The following THAP4 variants were observed in gnomAD, a reference collection of about 807,000 sequenced individuals.
THAP4 encodes peroxynitrite isomerase THAP4.
In THAP4, 18 loss-of-function variants were observed where a neutral mutation model predicts 48.1. The observed-to-expected ratio is 0.37, with a 90% CI of 0.26 to 0.56. The LOEUF is 0.56. Among genes scored for constraint, THAP4 ranks in the 20% least tolerant of loss-of-function variants. THAP4 has a pLI of 0.78. For missense variants in THAP4, 656 were observed against 774.9 expected, an observed-to-expected ratio of 0.85 and a Z score of 1.82; for synonymous variants, 345 against 324.9, an observed-to-expected ratio of 1.06 and a Z score of -0.66.
intron 5 of THAP4, among the ~76,000 whole-genome samples, chr2:241,593,220 G>C (rs1244350319): frequency 6.6e-6 from 1 of 152,092 alleles, no homozygotes; most frequent in Non-Finnish European, 1.5e-5. Flanking sequence ...ACTCCAGCCT[G>C]GGCGACAGTG....
intron 3 of THAP4, among the ~76,000 whole-genome samples, 200 bp from the exon 4 acceptor site, chr2:241,603,279 G>A (rs568694912): frequency 3.2e-4 from 48 of 150,442 alleles, no homozygotes; most frequent in African/African-American, 1.1e-3. Flanking sequence ...AAGACGGGCT[G>A]TTCCAGCCAC....
chr2:241,599,949 C>T (rs1189642532), intron 5 of THAP4, among the ~76,000 whole-genome samples: 2 of 152,190 alleles, frequency 1.3e-5, no homozygotes, highest in Admixed American at 6.5e-5. Context: ...GTGGCTCATG[C>T]CTGTAATCCC....
At chr2:241,625,816 A>G (rs866875617) in intron 2 of THAP4, among the ~76,000 whole-genome samples, 8 of 149,116 alleles carry the variant, frequency 5.4e-5, no homozygotes, top group African/African-American at 1.5e-4. Context: ...AAAAAAAAAA[A>G]AAAAAAAAGA....
upstream of THAP4, chr2:241,637,297 G>C: frequency 8.7e-7 from 1 of 1,154,564 alleles, no homozygotes; most frequent in South Asian, 1.7e-5. Flanking sequence ...GGGCAGACGG[G>C]CGGGGGAGTC....
chr2:241,621,606 G>A (rs530117304), intron 2 of THAP4, among the ~76,000 whole-genome samples: 1 of 151,538 alleles, frequency 6.6e-6, no homozygotes, highest in Admixed American at 6.6e-5. Context: ...GAAATGCAAA[G>A]AGAAAAAAAC....
chr2:241,605,638 T>C (rs999399684), intron 3 of THAP4, among the ~76,000 whole-genome samples: 24 of 152,210 alleles, frequency 1.6e-4, no homozygotes, highest in African/African-American at 5.5e-4. Flanking sequence ...AACAGCTTCC[T>C]TGTGACCCCA....
intron 3 of THAP4, among the ~76,000 whole-genome samples, chr2:241,604,099 T>C (rs1386896182): frequency 6.6e-6 from 1 of 152,122 alleles, no homozygotes; most frequent in East Asian, 1.9e-4. Context: ...ATAAACTTTA[T>C]TTATTTATTT....
chr2:241,589,105 T>A lies in THAP4; in HGVS notation c.1615-4380A>T, dbSNP rs1011895199. ...GTGGGAGCCTGTAATCCGAGCTACTTGGGAGGCTGAGAGAGGATAATCGCT... is the reference window on the plus strand; with the variant it reads ...GTGGGAGCCTGTAATCCGAGCTACTAGGGAGGCTGAGAGAGGATAATCGCT... On this transcript the variant is annotated intron_variant, in intron 5 of 5. Coordinates refer to ENST00000407315, the MANE Select transcript of THAP4 (RefSeq NM_015963.6). 2.0e-5 allele frequency among the ~76,000 whole-genome samples: 3 copies of A among 150,866 alleles called. No homozygotes were observed. In the East Asian group the frequency reaches 5.8e-4, roughly 29 times the overall value.
At chr2:241,603,901 C>CA (rs2067148301) in intron 3 of THAP4, among the ~76,000 whole-genome samples, 6 of 151,984 alleles carry the variant, frequency 3.9e-5, no homozygotes, top group Non-Finnish European at 8.8e-5. Context: ...GGCCGTAATC[C>CA]CAGCACTTCA....
At chr2:241,588,206 C>T (rs2066916062) in intron 5 of THAP4, among the ~76,000 whole-genome samples, 1 of 151,824 alleles carries the variant, frequency 6.6e-6, no homozygotes, top group South Asian at 2.1e-4. Context: ...AATAGCATCC[C>T]AAACCACAAA....
At chr2:241,602,837 T>A in intron 4 of THAP4, 133 bp downstream of exon 4, 3 of 703,746 alleles carry the variant, frequency 4.3e-6, no homozygotes, top group Admixed American at 2.2e-5. Context: ...CTCTCAACAC[T>A]CAGGGCCATC....
chr2:241,625,130 A>G (rs538277460), intron 2 of THAP4, among the ~76,000 whole-genome samples: 61 of 152,286 alleles, frequency 4.0e-4, no homozygotes, highest in Admixed American at 2.3e-3. Context: ...AATGCTTCCT[A>G]ACTCATTCTG....
In THAP4 at chr2:241,637,069, C is replaced by A; in HGVS notation, c.-52G>T. ...CAGGCCCCGGCCCTAGCCGCCCGCC[C>A]GCCCGCGGACCGCCCCGAGGGAGGG... On this transcript the variant is annotated 5_prime_UTR_variant, in exon 1 of 6. Transcript: ENST00000407315. 9.1e-7 allele frequency: 1 copy of A among 1,094,174 alleles called. No homozygotes were observed. The highest frequency in any genetic ancestry group is 2.7e-5 in the South Asian group (1 of 37,644). The allele number at this position is 1,094,174 out of a possible 1,614,324, so 67.8% of individuals were successfully genotyped here. A position where few individuals can be genotyped will look rare whatever the true frequency, so the allele number is the denominator to read the frequency against.
At chr2:241,617,910 G>A (rs1334811224) in intron 2 of THAP4, among the ~76,000 whole-genome samples, 2 of 152,182 alleles carry the variant, frequency 1.3e-5, no homozygotes, top group Non-Finnish European at 2.9e-5. Flanking sequence ...CCTGGCAAGC[G>A]GCCCGGGAAC....
intron 5 of THAP4, among the ~76,000 whole-genome samples, chr2:241,595,045 G>A (rs150708266): frequency 1.3e-5 from 2 of 152,090 alleles, no homozygotes; most frequent in East Asian, 1.9e-4. Context: ...ACAGAGTCTC[G>A]CTCGGTCGCC....
intron 5 of THAP4, among the ~76,000 whole-genome samples, chr2:241,593,531 C>T (rs548843732): frequency 6.6e-6 from 1 of 152,164 alleles, no homozygotes; most frequent in South Asian, 2.1e-4. Context: ...CCAGGAAGGC[C>T]GAGGCTGAAT....
intron 5 of THAP4, among the ~76,000 whole-genome samples, chr2:241,586,656 A>G (rs1011182667): frequency 6.6e-6 from 1 of 152,242 alleles, no homozygotes; most frequent in Non-Finnish European, 1.5e-5. Context: ...GGTAATCAGA[A>G]TTTATCAAAA....
intron 2 of THAP4, among the ~76,000 whole-genome samples, chr2:241,613,475 C>G (rs915209465): frequency 1.3e-5 from 2 of 152,124 alleles, no homozygotes; most frequent in African/African-American, 4.8e-5. Flanking sequence ...AAAACTGGGC[C>G]GGTTGCAGTG....
rs1031907905 is a variant in THAP4, at chr2:241,612,135, G to T, written c.1241-5662C>A. Reference sequence around the variant, plus strand: ...GGAGAAGGTGAAACATGACCTGGCAGAAGTCGAGAAAGTAAAAGAAAAAAA... The same window carrying T: ...GGAGAAGGTGAAACATGACCTGGCATAAGTCGAGAAAGTAAAAGAAAAAAA... On this transcript the variant is annotated intron_variant, in intron 2 of 5. Transcript: ENST00000407315. This position sits in a 1 kb window ranked among gnomAD's most constrained non-coding sequence, Gnocchi z 4.1. Among the ~76,000 whole-genome samples the T allele has an allele frequency of 6.6e-6, 1 of 152,092 alleles. No individual in the cohort carries two copies. The highest frequency in any genetic ancestry group is 1.5e-5 in the Non-Finnish European group (1 of 68,032).
Sources: allele counts gnomAD v4.1 joint callset (sites outside exome capture counted in the v4.1 genomes callset), GRCh38; gene constraint gnomAD v4.1.1; non-coding constraint Gnocchi (gnomAD v3.1); transcripts MANE v1.5; gene names NCBI Gene and HGNC (gene_info 2026-07-23, HGNC 2026-07-21).